Variants in THOC1 observed in about 807,000 individuals in gnomAD.
THOC1 encodes THO complex 1.
In THOC1, 29 loss-of-function variants were observed where a neutral mutation model predicts 97.3. That is an observed-to-expected ratio of 0.30 (90% CI 0.22 to 0.41). THOC1 has a LOEUF of 0.41. Ranked by LOEUF, THOC1 falls within the 10% of genes least tolerant of loss-of-function variation. The pLI is 1.00. For synonymous variants in THOC1, 255 were observed against 257.0 expected (o/e 0.99, Z 0.07); for missense variants, 529 against 761.9 (o/e 0.69, Z 3.60).
rs1911943166 is a variant in THOC1 at position 242,511 on chromosome 18, T to C, written c.918+3813A>G. On this transcript the variant is annotated intron_variant, in intron 11 of 20. Coordinates refer to ENST00000261600, the MANE Select transcript of THOC1 (RefSeq NM_005131.3). This position sits in a 1 kb window ranked among gnomAD's most constrained non-coding sequence, Gnocchi z 4.5. ...TCCGGACTATCCCTAAGGAAAAGTC[T>C]GACCAGATTCATGTAACAAAACACA... Among the ~76,000 whole-genome samples the C allele has an allele frequency of 6.6e-6, 1 of 152,100 alleles. No individual in the cohort carries two copies. The highest frequency in any genetic ancestry group is 2.4e-5 in the African/African-American group (1 of 41,412).
intron 15 of THOC1, 35 bp downstream of exon 15, chr18:224,884 TGATGA>T: frequency 6.8e-7 from 1 of 1,480,750 alleles, no homozygotes; most frequent in Non-Finnish European, 9.2e-7. Flanking sequence ...GTCGTTCTTG[TGATGA>T]GTATGTATTT....
intron 9 of THOC1, among the ~76,000 whole-genome samples, chr18:250,378 A>G (rs1458816444): frequency 6.6e-6 from 1 of 152,160 alleles, no homozygotes; most frequent in Non-Finnish European, 1.5e-5. Flanking sequence ...CTCCACAGAA[A>G]CTTTTGAATT....
At position 246,460 on chromosome 18, in the gene THOC1, A is replaced by G. The variant is rs757488330; in HGVS notation, c.787-5T>C. On this transcript the variant is annotated splice_polypyrimidine_tract_variant and splice_region_variant and intron_variant, in intron 10 of 20. Coordinates refer to ENST00000261600, the MANE Select transcript of THOC1 (RefSeq NM_005131.3). The stretch of plus-strand genomic sequence containing the variant: ...AGCTAAAACTTCTTCAGAATACTGC[A>G]AAATAAAAATATTAGTTTTATTCGA... 15 of 1,558,124 alleles carry G rather than the reference A, an allele frequency of 9.6e-6. No individual in the cohort carries two copies. Among genetic ancestry groups the G allele is most frequent in the Non-Finnish European group, 1.3e-5 (15 of 1,150,442 alleles).
chr18:225,362 TCAATC>T lies in THOC1; in HGVS notation c.1056_1060del (p.Trp352Ter). 1.2e-6 allele frequency: 2 copies of T among 1,613,654 alleles called. No individual in the cohort carries two copies. The highest frequency in any genetic ancestry group is 1.7e-6 in the Non-Finnish European group (2 of 1,179,758). On this transcript the variant is annotated stop_gained and frameshift_variant, in exon 13 of 21. Coordinates refer to ENST00000261600, the MANE Select transcript of THOC1 (RefSeq NM_005131.3). LOFTEE classifies it high-confidence loss of function. ...TTGATAAACTGATTTTGTAGTATCT[TCAATC>T]CAAAGTGATTGCTCATCAGTTAAAA...
At chr18:262,036 G>A (rs1396317585) in intron 4 of THOC1, among the ~76,000 whole-genome samples, 1 of 152,128 alleles carries the variant, frequency 6.6e-6, no homozygotes, top group African/African-American at 2.4e-5. Flanking sequence ...CAAACACCAT[G>A]CCATGTTCAT....
At chr18:221,800 G>C (rs1276644251) in intron 17 of THOC1, among the ~76,000 whole-genome samples, 1 of 151,940 alleles carries the variant, frequency 6.6e-6, no homozygotes, top group Non-Finnish European at 1.5e-5. Flanking sequence ...AGTAGAGACG[G>C]GGTTTCACCG....
intron 16 of THOC1, 102 bp from the exon 17 acceptor site, chr18:223,607 G>A: frequency 2.2e-6 from 2 of 901,756 alleles, no homozygotes; most frequent in Non-Finnish European, 3.3e-6. Context: ...GTGGATTTGG[G>A]GATGTTGACA....
chr18:215,766 A>T, intron 19 of THOC1: 1 of 391,120 alleles, frequency 2.6e-6, no homozygotes. Context: ...TAAAAAGCAC[A>T]GTTCCAGGAT....
chr18:248,812 G>A (rs1912178934), intron 9 of THOC1, among the ~76,000 whole-genome samples: 1 of 151,876 alleles, frequency 6.6e-6, no homozygotes, highest in Admixed American at 6.5e-5. Context: ...GGGCAGTGGT[G>A]CGATCTCAGC....
At chr18:243,795 T>A (rs1911993495) in intron 11 of THOC1, among the ~76,000 whole-genome samples, 1 of 152,178 alleles carries the variant, frequency 6.6e-6, no homozygotes, top group African/African-American at 2.4e-5. Context: ...ACTTTTGAAT[T>A]CTTTAGTTAA....
intron 15 of THOC1, among the ~76,000 whole-genome samples, chr18:224,523 G>GA: frequency 6.6e-6 from 1 of 150,634 alleles, no homozygotes; most frequent in East Asian, 2.0e-4. Flanking sequence ...AGGCTGCGGT[G>GA]AGCCAAGATC....
At position 266,779 on chromosome 18, in the gene THOC1, C is replaced by T. The variant is rs139897033; in HGVS notation, c.54+1187G>A. Reference sequence around the variant, plus strand: ...CTTGAACTCTTGACCTCAGGTGATCCGCCCGCCTCGGCCTCCCGAAGTACT... The same window carrying T: ...CTTGAACTCTTGACCTCAGGTGATCTGCCCGCCTCGGCCTCCCGAAGTACT... On this transcript the variant is annotated intron_variant, in intron 1 of 20. Transcript: ENST00000261600. 2.9e-3 allele frequency among the ~76,000 whole-genome samples: 435 copies of T among 152,166 alleles called. 3 individuals are homozygous for T. Among genetic ancestry groups the T allele is most frequent in the African/African-American group, 0.01 (420 of 41,536 alleles).
chr18:216,998 A>C (rs1910914544), intron 18 of THOC1, among the ~76,000 whole-genome samples: 1 of 152,260 alleles, frequency 6.6e-6, no homozygotes, highest in Non-Finnish European at 1.5e-5. Context: ...TTTGGAATCC[A>C]TGAACTGTTC....
At chr18:225,429 G>T in intron 12 of THOC1, 26 bp from the exon 13 acceptor site, 2 of 1,603,692 alleles carry the variant, frequency 1.2e-6, no homozygotes, top group Middle Eastern at 1.7e-4. Context: ...ATGAAAGCAT[G>T]CTTGAGTTAC....
chr18:247,512 C>T, intron 10 of THOC1, among the ~76,000 whole-genome samples: 1 of 152,116 alleles, frequency 6.6e-6, no homozygotes. Flanking sequence ...TGGCCCAGAG[C>T]CATGACTTGA....
At chr18:251,493 C>T (rs1912277182) in intron 9 of THOC1, among the ~76,000 whole-genome samples, 1 of 152,144 alleles carries the variant, frequency 6.6e-6, no homozygotes, top group African/African-American at 2.4e-5. Flanking sequence ...TAAGCCAGCA[C>T]TAGGAAGAAA....
At chr18:215,635 A>G in intron 19 of THOC1, 131 bp from the exon 20 acceptor site, 1 of 665,540 alleles carries the variant, frequency 1.5e-6, no homozygotes, top group Non-Finnish European at 2.6e-6. Flanking sequence ...TGAGAGCGTT[A>G]AATGACAGTG....
chr18:249,772 C>G (rs1912221169), intron 9 of THOC1, among the ~76,000 whole-genome samples: 1 of 151,944 alleles, frequency 6.6e-6, no homozygotes, highest in Admixed American at 6.5e-5. Flanking sequence ...AGAACAAGAA[C>G]CAATATTTGT....
At chr18:230,643 A>G (rs1307983897) in intron 11 of THOC1, among the ~76,000 whole-genome samples, 1 of 152,206 alleles carries the variant, frequency 6.6e-6, no homozygotes, top group Non-Finnish European at 1.5e-5. Context: ...ACTCAATTGT[A>G]CCCTTTCTTT....
Sources: gnomAD v4.1 joint callset for allele counts (sites outside exome capture counted in the v4.1 genomes callset) on GRCh38, gnomAD v4.1.1 for gene constraint, Gnocchi (gnomAD v3.1) non-coding constraint, MANE v1.5 for transcripts, NCBI Gene and HGNC (gene_info 2026-07-23, HGNC 2026-07-21) for gene names.